CNTNAP2: variants seen among roughly 807,000 people sequenced by gnomAD.
CNTNAP2 encodes the protein contactin associated protein 2, also known as contactin-associated protein-like 2.
In CNTNAP2, 98 loss-of-function variants were observed where a neutral mutation model predicts 155.2. That is an observed-to-expected ratio of 0.63 (90% CI 0.54 to 0.75). CNTNAP2 has a LOEUF of 0.75. CNTNAP2 is among the 30% of genes least tolerant of loss of function. The pLI is 0.00. For synonymous variants in CNTNAP2, 651 were observed against 631.2 expected, an observed-to-expected ratio of 1.03 and a Z score of -0.47; for missense variants, 1,727 against 1,688.1, an observed-to-expected ratio of 1.02 and a Z score of -0.40.
chr7:146,269,071 G>T (rs1339844459), intron 1 of CNTNAP2, among the ~76,000 whole-genome samples: 1 of 152,198 alleles, frequency 6.6e-6, no homozygotes, highest in Non-Finnish European at 1.5e-5. Context: ...GCCAGGTGGG[G>T]TGGCTCACGC....
intron 15 of CNTNAP2, among the ~76,000 whole-genome samples, chr7:148,081,868 G>A (rs568299575): frequency 5.3e-5 from 8 of 152,276 alleles, no homozygotes; most frequent in East Asian, 1.9e-4. Context: ...GTGGGCTTGC[G>A]AGAGCAAGAT....
intron 1 of CNTNAP2, among the ~76,000 whole-genome samples, chr7:146,223,293 G>A (rs949504747): frequency 2.6e-4 from 39 of 152,326 alleles, no homozygotes; most frequent in African/African-American, 9.4e-4. Flanking sequence ...TGCTAATAAC[G>A]TGATTAATAT....
intron 8 of CNTNAP2, among the ~76,000 whole-genome samples, chr7:147,163,418 A>G (rs1255375137): frequency 2.0e-5 from 3 of 152,198 alleles, no homozygotes; most frequent in African/African-American, 7.2e-5. Context: ...GTTTCAGTGA[A>G]TTTAAAATAT....
intron 13 of CNTNAP2, among the ~76,000 whole-genome samples, chr7:147,649,145 C>T (rs766455979): frequency 2.8e-4 from 43 of 152,028 alleles, no homozygotes; most frequent in Non-Finnish European, 5.0e-4. Context: ...AAGGGTACTG[C>T]TAGTGCCTTT....
At chr7:146,519,400 C>A (rs984812631) in intron 1 of CNTNAP2, among the ~76,000 whole-genome samples, 2 of 151,810 alleles carry the variant, frequency 1.3e-5, no homozygotes, top group African/African-American at 2.4e-5. Flanking sequence ...CTCTACTAAT[C>A]TTTGGTTCTA....
chr7:148,231,634 C>A (rs75689783), intron 20 of CNTNAP2, among the ~76,000 whole-genome samples: 2,944 of 152,184 alleles, frequency 0.019, 100 homozygotes, highest in African/African-American at 0.067. Context: ...TTTCACATAT[C>A]CTAGGCCATA....
intron 5 of CNTNAP2, among the ~76,000 whole-genome samples, chr7:147,118,610 C>T (rs1422810098): frequency 5.9e-5 from 9 of 151,464 alleles, no homozygotes; most frequent in East Asian, 1.9e-4. Flanking sequence ...CAAAGACAAA[C>T]GTAAATTGTA....
intron 1 of CNTNAP2, among the ~76,000 whole-genome samples, chr7:146,604,989 G>T (rs1270150671): frequency 3.5e-5 from 5 of 141,956 alleles, no homozygotes; most frequent in African/African-American, 7.7e-5. Context: ...ACGAGTTAGT[G>T]GGTGCAGTGC....
chr7:146,361,753 A>G (rs1795085935), intron 1 of CNTNAP2, among the ~76,000 whole-genome samples: 1 of 152,136 alleles, frequency 6.6e-6, no homozygotes, highest in African/African-American at 2.4e-5. Flanking sequence ...TGTGTCATAC[A>G]ATAGTCACGA....
chr7:146,169,841 T>C (rs1396958178), intron 1 of CNTNAP2, among the ~76,000 whole-genome samples: 1 of 151,288 alleles, frequency 6.6e-6, no homozygotes, highest in Admixed American at 6.6e-5. Context: ...ATATATATCA[T>C]TGTTTCTTTA....
intron 15 of CNTNAP2, among the ~76,000 whole-genome samples, chr7:148,053,115 A>G (rs1420594964): frequency 6.6e-6 from 1 of 152,220 alleles, no homozygotes; most frequent in African/African-American, 2.4e-5. Flanking sequence ...TGATAATGGT[A>G]TAATTTTAAT....
chr7:147,245,537 A>C (rs1804041069), intron 8 of CNTNAP2, among the ~76,000 whole-genome samples: 1 of 151,956 alleles, frequency 6.6e-6, no homozygotes, highest in African/African-American at 2.4e-5. Flanking sequence ...ATCTCAAATA[A>C]AATTTCATCT....
intron 1 of CNTNAP2, among the ~76,000 whole-genome samples, chr7:146,268,756 C>A (rs921102270): frequency 6.6e-6 from 1 of 152,130 alleles, no homozygotes; most frequent in Non-Finnish European, 1.5e-5. Flanking sequence ...CAAGAGGGAA[C>A]AAAAGGTAAA....
At chr7:146,988,351 A>C (rs1563033650) in intron 3 of CNTNAP2, among the ~76,000 whole-genome samples, 1 of 152,110 alleles carries the variant, frequency 6.6e-6, no homozygotes, top group Non-Finnish European at 1.5e-5. Flanking sequence ...ATTTATATAT[A>C]TATATGGATA....
In CNTNAP2 at chr7:146,646,625, T is replaced by C. The variant is rs557093595; in HGVS notation, c.98-127646T>C. Among the ~76,000 whole-genome samples, 4 of 152,304 alleles carry C rather than the reference T, an allele frequency of 2.6e-5. No homozygotes were observed. The East Asian group carries it at 5.8e-4, about 22-fold the overall frequency. The stretch of plus-strand genomic sequence containing the variant: ...GGAAGTTCCTCTGTTGGTGGACATA[T>C]TCTCAAATTTTCTGGCATAAATAAT... On this transcript the variant is annotated intron_variant, in intron 1 of 23. Transcript: ENST00000361727.
intron 14 of CNTNAP2, among the ~76,000 whole-genome samples, chr7:147,938,453 T>C (rs1346264935): frequency 2.6e-5 from 4 of 152,182 alleles, no homozygotes; most frequent in African/African-American, 9.6e-5. Flanking sequence ...AAATAAATGA[T>C]GTTGCATTAA....
At chr7:147,754,332 C>T (rs923609688) in intron 13 of CNTNAP2, among the ~76,000 whole-genome samples, 3 of 152,176 alleles carry the variant, frequency 2.0e-5, no homozygotes, top group African/African-American at 7.2e-5. Flanking sequence ...GAAGAGTAAG[C>T]TTGTATTCTG....
chr7:147,005,531 G>A (rs1461931697), intron 3 of CNTNAP2, among the ~76,000 whole-genome samples: 3 of 151,996 alleles, frequency 2.0e-5, no homozygotes, highest in African/African-American at 7.2e-5. Flanking sequence ...AGAAAAATGA[G>A]TAAGTCAAAG....
At chr7:147,275,756 A>T (rs1199332225) in intron 8 of CNTNAP2, among the ~76,000 whole-genome samples, 1 of 152,026 alleles carries the variant, frequency 6.6e-6, no homozygotes, top group Non-Finnish European at 1.5e-5. Flanking sequence ...TCTTAGGGGA[A>T]ATGCTTTCAA....
Sources: allele counts gnomAD v4.1 joint callset (sites outside exome capture counted in the v4.1 genomes callset), GRCh38; gene constraint gnomAD v4.1.1; transcripts MANE v1.5; gene names NCBI Gene and HGNC (gene_info 2026-07-23, HGNC 2026-07-21).